The following SETBP1 variants were observed in gnomAD, a reference collection of about 807,000 sequenced individuals.
The protein encoded by SETBP1 is SET binding protein 1, also known as SET-binding protein.
Under a neutral mutation model 101.0 loss-of-function variants are expected in SETBP1, and 9 were observed. The ratio of observed to expected loss-of-function variants is 0.09; its 90% CI spans 0.05 to 0.16. The LOEUF (loss-of-function observed/expected upper bound fraction) is 0.16. Ranked by LOEUF, SETBP1 falls within the 10% of genes least tolerant of loss-of-function variation. The pLI is 1.00. For missense variants in SETBP1, 1,858 were observed against 2,033.8 expected (o/e 0.91, Z 1.66); for synonymous variants, 818 against 788.5 (o/e 1.04, Z -0.63).
At chr18:44,819,751 A>G (rs8096355) in intron 2 of SETBP1, among the ~76,000 whole-genome samples, 5,031 of 152,272 alleles carry the variant, frequency 0.033, 273 homozygotes, top group African/African-American at 0.11. Context: ...GGCTTACATG[A>G]TAATCCTGTC....
intron 2 of SETBP1, among the ~76,000 whole-genome samples, chr18:44,758,678 G>T (rs749045999): frequency 1.3e-5 from 2 of 152,160 alleles, no homozygotes; most frequent in East Asian, 1.9e-4. Flanking sequence ...CACCACGCCC[G>T]GCCTGAAAGA....
At chr18:44,691,249 G>T (rs1372109381) in intron 1 of SETBP1, among the ~76,000 whole-genome samples, 2 of 152,144 alleles carry the variant, frequency 1.3e-5, no homozygotes, top group African/African-American at 2.4e-5. Context: ...TAATTTCCAG[G>T]TCTGTAAAAT....
chr18:44,920,257 A>G (rs185305408), intron 3 of SETBP1, among the ~76,000 whole-genome samples: 94 of 152,250 alleles, frequency 6.2e-4, no homozygotes, highest in African/African-American at 2.2e-3. Context: ...GTATGAATCC[A>G]TGTATGAGGG....
chr18:44,739,388 C>T (rs2070048502), intron 2 of SETBP1, among the ~76,000 whole-genome samples: 1 of 152,110 alleles, frequency 6.6e-6, no homozygotes, highest in Non-Finnish European at 1.5e-5. Context: ...CTTTACCTTG[C>T]CTTTATCTCC....
intron 2 of SETBP1, among the ~76,000 whole-genome samples, chr18:44,801,498 A>T (rs1309277725): frequency 7.2e-5 from 11 of 152,264 alleles, no homozygotes; most frequent in Admixed American, 5.2e-4. Context: ...TTGAAGTGTG[A>T]CATGAGTACT....
intron 3 of SETBP1, among the ~76,000 whole-genome samples, chr18:44,883,621 AACTT>A (rs1216702488): frequency 2.0e-5 from 3 of 152,208 alleles, no homozygotes; most frequent in Non-Finnish European, 4.4e-5. Context: ...TCCTTCACTA[AACTT>A]ACTTACAGGA....
At chr18:44,978,527 T>C (rs987053755) in intron 4 of SETBP1, among the ~76,000 whole-genome samples, 8 of 152,230 alleles carry the variant, frequency 5.3e-5, no homozygotes, top group Non-Finnish European at 1.2e-4. Flanking sequence ...TCTGCCATGA[T>C]TCTTATGATA....
chr18:44,897,329 A>G (rs2069930030), intron 3 of SETBP1, among the ~76,000 whole-genome samples: 1 of 152,094 alleles, frequency 6.6e-6, no homozygotes, highest in Non-Finnish European at 1.5e-5. Flanking sequence ...GACCTTCTGT[A>G]TATTAGAAAG....
chr18:44,938,885 CT>C (rs1235003917), intron 3 of SETBP1, among the ~76,000 whole-genome samples: 2 of 151,952 alleles, frequency 1.3e-5, no homozygotes, highest in East Asian at 1.9e-4. Context: ...TAGTGAGTGG[CT>C]TGCGGGCCGC....
chr18:45,034,729 G>A (rs1366790086), intron 4 of SETBP1, among the ~76,000 whole-genome samples: 1 of 152,096 alleles, frequency 6.6e-6, no homozygotes, highest in Admixed American at 6.6e-5. Context: ...ACTGCAGTTT[G>A]TCTCGTGTTG....
chr18:44,794,517 C>T (rs2071433996), intron 2 of SETBP1, among the ~76,000 whole-genome samples: 1 of 152,114 alleles, frequency 6.6e-6, no homozygotes, highest in African/African-American at 2.4e-5. Context: ...CAGAGGCTCC[C>T]AGGGCTGACA....
chr18:44,798,012 C>T (rs1397606958), intron 2 of SETBP1, among the ~76,000 whole-genome samples: 1 of 152,126 alleles, frequency 6.6e-6, no homozygotes, highest in African/African-American at 2.4e-5. Flanking sequence ...TAAGCAGTCA[C>T]CTGTTCTACT....
chr18:44,713,575 G>T (rs1409944204), intron 2 of SETBP1, among the ~76,000 whole-genome samples: 1 of 152,102 alleles, frequency 6.6e-6, no homozygotes, highest in African/African-American at 2.4e-5. Flanking sequence ...ATACTGGGAG[G>T]TGATCTGGCC....
rs2068990526 is a variant in SETBP1 at position 44,694,920 on chromosome 18, A to G, written c.-172-6255A>G. The stretch of plus-strand genomic sequence containing the variant: ...GAAGTATGACCCATGGAAAAGGAGC[A>G]TTAAGAAACAAGGACGGAGCATGCT... On this transcript the variant is annotated intron_variant, in intron 1 of 5. Transcript: ENST00000649279. Among the ~76,000 whole-genome samples, 2 of 152,240 alleles carry G rather than the reference A, an allele frequency of 1.3e-5. 1 individual carries two copies. The highest frequency in any genetic ancestry group is 4.1e-4 in the South Asian group (2 of 4,830).
chr18:44,824,419 G>A (rs1282926915), intron 2 of SETBP1, among the ~76,000 whole-genome samples: 2 of 152,100 alleles, frequency 1.3e-5, no homozygotes, highest in Non-Finnish European at 2.9e-5. Flanking sequence ...TGTGGCATAT[G>A]TGTATATCTC....
intron 2 of SETBP1, among the ~76,000 whole-genome samples, chr18:44,834,316 A>G (rs2072444589): frequency 6.6e-6 from 1 of 152,300 alleles, no homozygotes; most frequent in Admixed American, 6.5e-5. Flanking sequence ...CTAATGAGAT[A>G]CCTCTTTATG....
chr18:44,983,367 G>A (rs1244461957), intron 4 of SETBP1, among the ~76,000 whole-genome samples: 2 of 152,128 alleles, frequency 1.3e-5, no homozygotes, highest in Non-Finnish European at 2.9e-5. Flanking sequence ...TGTTTCGTAT[G>A]CATAACTTTA....
intron 2 of SETBP1, among the ~76,000 whole-genome samples, chr18:44,829,106 A>T (rs1217652995): frequency 1.3e-5 from 2 of 152,230 alleles, no homozygotes; most frequent in East Asian, 3.8e-4. Context: ...CAATTCCCTA[A>T]GGTCAATCTC....
chr18:44,784,899 C>A (rs1345042121), intron 2 of SETBP1, among the ~76,000 whole-genome samples: 3 of 152,068 alleles, frequency 2.0e-5, no homozygotes, highest in Non-Finnish European at 2.9e-5. Context: ...ATGGGAGTTC[C>A]TGATAATTAC....
Sources: gnomAD v4.1 joint callset for allele counts (sites outside exome capture counted in the v4.1 genomes callset) on GRCh38, gnomAD v4.1.1 for gene constraint, MANE v1.5 for transcripts, NCBI Gene and HGNC (gene_info 2026-07-23, HGNC 2026-07-21) for gene names.